The following LPP variants were observed in gnomAD, a reference collection of about 807,000 sequenced individuals.
LPP encodes the protein LIM domain containing preferred translocation partner in lipoma, also known as lipoma-preferred partner.
Under a neutral mutation model 60.4 loss-of-function variants are expected in LPP, and 38 were observed. That is an observed-to-expected ratio of 0.63 (90% confidence interval 0.49 to 0.83). The LOEUF (loss-of-function observed/expected upper bound fraction) is 0.83, where lower values mean the gene tolerates loss of function less well. Among genes scored for constraint, LPP ranks in the 40% least tolerant of loss-of-function variants. The pLI, the probability that LPP is intolerant of heterozygous loss-of-function variation, is 0.00. For missense variants in LPP, 902 were observed against 783.6 expected, an observed-to-expected ratio of 1.15 and a Z score of -1.80; for synonymous variants, 328 against 290.8, an observed-to-expected ratio of 1.13 and a Z score of -1.30.
intron 1 of LPP, among the ~76,000 whole-genome samples, chr3:188,168,935 TTG>T (rs1461866425): frequency 6.6e-6 from 1 of 152,236 alleles, no homozygotes; most frequent in Admixed American, 6.5e-5. Context: ...CAGACAAGTC[TTG>T]TTTATCCCCA....
chr3:188,773,219 A>G (rs368867863), intron 9 of LPP, among the ~76,000 whole-genome samples: 3 of 151,906 alleles, frequency 2.0e-5, no homozygotes, highest in African/African-American at 7.2e-5. Flanking sequence ...AATAAAGTCT[A>G]CTCCCTGGAT....
intron 6 of LPP, among the ~76,000 whole-genome samples, chr3:188,527,348 GAAAAAAAAAA>G (rs57075465): frequency 1.4e-5 from 1 of 73,680 alleles, no homozygotes; most frequent in African/African-American, 4.9e-5. Flanking sequence ...GACTCCATCT[GAAAAAAAAAA>G]AAAAAAAAAA....
chr3:188,504,798 A>G (rs1560491081), intron 5 of LPP, among the ~76,000 whole-genome samples: 2 of 151,770 alleles, frequency 1.3e-5, no homozygotes, highest in Admixed American at 6.6e-5. Flanking sequence ...AAAGGAAGAA[A>G]AAAAAAAAAA....
chr3:188,250,924 CTT>C (rs1729277594), intron 2 of LPP, among the ~76,000 whole-genome samples: 1 of 5,142 alleles, frequency 1.9e-4, no homozygotes, highest in Non-Finnish European at 4.1e-4. Context: ...TCCTTCCTCC[CTT>C]CCCTTCCCTT....
chr3:188,676,025 G>A (rs1415972513), intron 7 of LPP, among the ~76,000 whole-genome samples: 1 of 152,100 alleles, frequency 6.6e-6, no homozygotes, highest in Non-Finnish European at 1.5e-5. Context: ...TACTATACTG[G>A]AAATGAAAGA....
intron 6 of LPP, among the ~76,000 whole-genome samples, chr3:188,608,941 T>C (rs1421736607): frequency 2.6e-5 from 4 of 152,148 alleles, no homozygotes; most frequent in Non-Finnish European, 4.4e-5. Context: ...TTTTTTCCTT[T>C]CTTTCCTTTT....
chr3:188,507,805 G>A (rs899729624), intron 5 of LPP, among the ~76,000 whole-genome samples: 6 of 152,194 alleles, frequency 3.9e-5, no homozygotes, highest in Non-Finnish European at 2.9e-5. Context: ...GAGACACATA[G>A]CTTTGCAGCT....
At chr3:188,361,547 C>G (rs1015706182) in intron 3 of LPP, among the ~76,000 whole-genome samples, 1 of 124,060 alleles carries the variant, frequency 8.1e-6, no homozygotes, top group African/African-American at 2.9e-5. Context: ...CTCTCCTCCC[C>G]TCTCCTCTCC....
intron 1 of LPP, among the ~76,000 whole-genome samples, chr3:188,193,014 CTGATGG>C (rs1728596920): frequency 6.6e-6 from 1 of 151,930 alleles, no homozygotes; most frequent in African/African-American, 2.4e-5. Flanking sequence ...AAACAACCTC[CTGATGG>C]TGATAGAAAG....
intron 6 of LPP, among the ~76,000 whole-genome samples, chr3:188,549,572 A>G (rs1827533322): frequency 6.6e-6 from 1 of 152,188 alleles, no homozygotes; most frequent in South Asian, 2.1e-4. Flanking sequence ...CTTTATAGTC[A>G]TGCTCTGACT....
chr3:188,399,471 C>T (rs982064406), intron 3 of LPP, among the ~76,000 whole-genome samples: 4 of 152,124 alleles, frequency 2.6e-5, no homozygotes, highest in African/African-American at 7.2e-5. Context: ...GTTAGTCTGC[C>T]ATCAGCTACT....
At chr3:188,196,981 A>G (rs1463252902) in intron 1 of LPP, among the ~76,000 whole-genome samples, 2 of 152,170 alleles carry the variant, frequency 1.3e-5, no homozygotes, top group Non-Finnish European at 2.9e-5. Context: ...ATTTTAGGCC[A>G]TTTGTTGAAC....
intron 2 of LPP, among the ~76,000 whole-genome samples, chr3:188,251,098 T>C (rs946132154): frequency 6.2e-5 from 9 of 144,650 alleles, no homozygotes; most frequent in African/African-American, 2.3e-4. Context: ...TCTTTCTCTC[T>C]CTCTCTTTCT....
At chr3:188,296,064 G>A (rs190657564) in intron 2 of LPP, among the ~76,000 whole-genome samples, 1 of 152,268 alleles carries the variant, frequency 6.6e-6, no homozygotes, top group East Asian at 1.9e-4. Context: ...TCTAGAGACT[G>A]ATGACTGTAC....
At chr3:188,637,109 G>A (rs1848980167) in intron 7 of LPP, among the ~76,000 whole-genome samples, 1 of 150,520 alleles carries the variant, frequency 6.6e-6, no homozygotes, top group Admixed American at 6.6e-5. Flanking sequence ...CCACATACTT[G>A]GAAGTAAAGT....
At chr3:188,840,967 T>C (rs1396618755) in intron 9 of LPP, among the ~76,000 whole-genome samples, 1 of 152,162 alleles carries the variant, frequency 6.6e-6, no homozygotes, top group Non-Finnish European at 1.5e-5. Context: ...GGGAAAATGC[T>C]ACTCTGTTTA....
chr3:188,378,421 C>T, intron 3 of LPP, among the ~76,000 whole-genome samples: 1 of 152,198 alleles, frequency 6.6e-6, no homozygotes, highest in Non-Finnish European at 1.5e-5. Flanking sequence ...GGCAGGCGCC[C>T]CTCCCCCAGC....
chr3:188,474,026 T>C (rs1320858499), intron 4 of LPP, among the ~76,000 whole-genome samples: 1 of 152,218 alleles, frequency 6.6e-6, no homozygotes, highest in Non-Finnish European at 1.5e-5. Flanking sequence ...GTTGGTATCA[T>C]GAAGGACCTA....
chr3:188,432,972 G>C (rs954669910), intron 4 of LPP, among the ~76,000 whole-genome samples: 14 of 152,122 alleles, frequency 9.2e-5, no homozygotes, highest in Non-Finnish European at 1.8e-4. Flanking sequence ...TGCAGGATAG[G>C]AATGAACAAG....
Sources: allele counts gnomAD v4.1 joint callset (sites outside exome capture counted in the v4.1 genomes callset), GRCh38; gene constraint gnomAD v4.1.1; transcripts MANE v1.5; gene names NCBI Gene and HGNC (gene_info 2026-07-23, HGNC 2026-07-21).